Variants in BTBD9 observed in about 807,000 individuals in gnomAD.
BTBD9 encodes BTB/POZ domain-containing protein 9.
Under a neutral mutation model 64.3 loss-of-function variants are expected in BTBD9, and 49 were observed. The ratio of observed to expected loss-of-function variants is 0.76; its 90% CI spans 0.61 to 0.97. The LOEUF (loss-of-function observed/expected upper bound fraction) is 0.97, where lower values mean the gene tolerates loss of function less well. Ranked by LOEUF, BTBD9 falls within the 50% of genes least tolerant of loss-of-function variation. The pLI is 0.00. For synonymous variants in BTBD9, 260 were observed against 274.7 expected, an observed-to-expected ratio of 0.95 and a Z score of 0.53; for missense variants, 598 against 762.1, an observed-to-expected ratio of 0.78 and a Z score of 2.53.
chr6:38,404,295 C>A (rs910518471), intron 6 of BTBD9, among the ~76,000 whole-genome samples: 2 of 152,160 alleles, frequency 1.3e-5, no homozygotes, highest in Non-Finnish European at 2.9e-5. Flanking sequence ...CACACTAGCC[C>A]ATTTTCTTTC....
intron 7 of BTBD9, among the ~76,000 whole-genome samples, chr6:38,327,838 C>T (rs932274130): frequency 2.0e-5 from 3 of 152,176 alleles, no homozygotes; most frequent in Non-Finnish European, 4.4e-5. Context: ...TCTAGATTCT[C>T]AACTCTTGGT....
intron 6 of BTBD9, among the ~76,000 whole-genome samples, chr6:38,534,264 C>T (rs908384792): frequency 2.6e-5 from 4 of 151,802 alleles, no homozygotes; most frequent in African/African-American, 9.7e-5. Flanking sequence ...AATTGGAAAA[C>T]CTAGAAGAAA....
intron 6 of BTBD9, among the ~76,000 whole-genome samples, chr6:38,370,964 ACTTGCTCTCACCTAAAAGGAC>A (rs1468410647): frequency 6.6e-6 from 1 of 152,152 alleles, no homozygotes; most frequent in Non-Finnish European, 1.5e-5. Context: ...ATTTCAAAGA[ACTTGCTCTCACCTAAAAGGAC>A]CTTGCTCCTG....
chr6:38,483,435 G>C (rs1477959608), intron 6 of BTBD9, among the ~76,000 whole-genome samples: 1 of 151,072 alleles, frequency 6.6e-6, no homozygotes, highest in Non-Finnish European at 1.5e-5. Flanking sequence ...ACTTTTCCTT[G>C]CCCACCTGCT....
intron 7 of BTBD9, among the ~76,000 whole-genome samples, chr6:38,302,485 GTATATATATATATATATA>G (rs59324806): frequency 0.03 from 3,211 of 106,902 alleles, 177 homozygotes; most frequent in African/African-American, 0.095. Context: ...TTGTGTGTAT[GTATATATATATATATATA>G]TATATATATA....
chr6:38,567,900 AT>A (rs1775595389), intron 6 of BTBD9, among the ~76,000 whole-genome samples: 1 of 152,188 alleles, frequency 6.6e-6, no homozygotes, highest in African/African-American at 2.4e-5. Flanking sequence ...GCAAAAAAAA[AT>A]AGCAGTGTTA....
chr6:38,447,880 A>G (rs1390984084), intron 6 of BTBD9, among the ~76,000 whole-genome samples: 1 of 152,228 alleles, frequency 6.6e-6, no homozygotes, highest in Non-Finnish European at 1.5e-5. Context: ...TACAAAAAGT[A>G]AATTAAAGTT....
intron 1 of BTBD9, among the ~76,000 whole-genome samples, chr6:38,633,480 T>A (rs1046981960): frequency 6.6e-6 from 1 of 152,242 alleles, no homozygotes; most frequent in Non-Finnish European, 1.5e-5. Flanking sequence ...ACCTTGTTTT[T>A]AATTACTCTT....
chr6:38,200,669 A>G (rs2127492084), intron 9 of BTBD9, among the ~76,000 whole-genome samples: 1 of 152,338 alleles, frequency 6.6e-6, no homozygotes, highest in East Asian at 1.9e-4. Context: ...CCTAGAAGAA[A>G]TGGATAAACT....
intron 6 of BTBD9, among the ~76,000 whole-genome samples, chr6:38,470,674 T>C (rs1252161734): frequency 6.6e-6 from 1 of 152,212 alleles, no homozygotes; most frequent in East Asian, 1.9e-4. Context: ...GAACTGGCCT[T>C]CTCAACAAGA....
chr6:38,468,182 C>T (rs939792686), intron 6 of BTBD9, among the ~76,000 whole-genome samples: 1 of 152,132 alleles, frequency 6.6e-6, no homozygotes, highest in Non-Finnish European at 1.5e-5. Flanking sequence ...CCCAGTCCCC[C>T]AGCACATCCT....
intron 1 of BTBD9, among the ~76,000 whole-genome samples, chr6:38,600,362 GTGATCAAGGAC>G (rs1377383305): frequency 6.6e-6 from 1 of 152,208 alleles, no homozygotes; most frequent in Non-Finnish European, 1.5e-5. Context: ...GGCCTACCCC[GTGATCAAGGAC>G]TGACGTCAGG....
chr6:38,617,164 G>A (rs533616643), intron 1 of BTBD9, among the ~76,000 whole-genome samples: 1 of 152,044 alleles, frequency 6.6e-6, no homozygotes, highest in East Asian at 1.9e-4. Context: ...CTTCGGAGTC[G>A]GGAGCGTTGC....
intron 7 of BTBD9, among the ~76,000 whole-genome samples, chr6:38,325,460 C>A (rs1030951652): frequency 1.3e-5 from 2 of 152,036 alleles, no homozygotes; most frequent in African/African-American, 2.4e-5. Context: ...CCGAGGCGGG[C>A]GGATCATGAG....
At chr6:38,624,122 A>G (rs2127526131) in intron 1 of BTBD9, among the ~76,000 whole-genome samples, 1 of 152,266 alleles carries the variant, frequency 6.6e-6, no homozygotes, top group South Asian at 2.1e-4. Flanking sequence ...AAACGCACCA[A>G]TCAGCACTCT....
At chr6:38,421,259 G>C (rs1217177789) in intron 6 of BTBD9, among the ~76,000 whole-genome samples, 1 of 152,084 alleles carries the variant, frequency 6.6e-6, no homozygotes, top group Non-Finnish European at 1.5e-5. Context: ...GGGAAGCTGA[G>C]ACACGAGAAT....
At chr6:38,446,524 C>G (rs1016871298) in intron 6 of BTBD9, among the ~76,000 whole-genome samples, 13 of 152,162 alleles carry the variant, frequency 8.5e-5, no homozygotes, top group Admixed American at 8.5e-4. Context: ...ACAAGGCATG[C>G]CCTGCCCCTT....
At chr6:38,214,853 ACTGTGTTTCAGTCT>A (rs1762960340) in intron 9 of BTBD9, among the ~76,000 whole-genome samples, 1 of 152,184 alleles carries the variant, frequency 6.6e-6, no homozygotes, top group African/African-American at 2.4e-5. Context: ...TTCCTTTCAG[ACTGTGTTTCAGTCT>A]ACCCCTAGCT....
Position 38,527,833 on chromosome 6 carries a change from C to A in BTBD9, c.1154+49767G>T, listed in dbSNP as rs1168473799. ...TTTTTTTTAATCATGACAAATCACT[C>A]TCATGAAAATCAGAAATAGGAAGGC... is the stretch of plus-strand genomic sequence containing the variant. On this transcript the variant is annotated intron_variant, in intron 6 of 10. Transcript: ENST00000481247. Among the ~76,000 whole-genome samples, 32 of 141,020 alleles carry A rather than the reference C, an allele frequency of 2.3e-4. 2 individuals are homozygous for A. In the East Asian group the frequency reaches 7.5e-3, roughly 33 times the overall value. The allele number at this position is 141,020 out of a possible 152,430, so 92.5% of individuals were successfully genotyped here.
Sources: gnomAD v4.1 joint callset for allele counts (sites outside exome capture counted in the v4.1 genomes callset) on GRCh38, gnomAD v4.1.1 for gene constraint, MANE v1.5 for transcripts, NCBI Gene and HGNC (gene_info 2026-07-23, HGNC 2026-07-21) for gene names.